The following SBF2 variants were observed in gnomAD, a reference collection of about 807,000 sequenced individuals.
SBF2 encodes SET binding factor 2.
In SBF2, 112 loss-of-function variants were observed where a neutral mutation model predicts 225.2. That is an observed-to-expected ratio of 0.50 (90% CI 0.43 to 0.58). SBF2 has a LOEUF of 0.58. Among genes scored for constraint, SBF2 ranks in the 20% least tolerant of loss-of-function variants. The pLI is 0.00. For missense variants in SBF2, 1,996 were observed against 2,206.2 expected (o/e 0.90, Z 1.91); for synonymous variants, 763 against 773.3 (o/e 0.99, Z 0.22).
At chr11:10,073,828 G>A (rs1044902175) in intron 2 of SBF2, among the ~76,000 whole-genome samples, 3 of 152,170 alleles carry the variant, frequency 2.0e-5, no homozygotes, top group Non-Finnish European at 4.4e-5. Context: ...GATAGTAAAT[G>A]AGCAATATAC....
chr11:10,210,952 T>G (rs10840375), intron 1 of SBF2, among the ~76,000 whole-genome samples: 114,848 of 146,422 alleles, frequency 0.78, 45,436 homozygotes, highest in East Asian at 0.97. Flanking sequence ...GGCGGAGGTT[T>G]CAGTGAGCTG....
chr11:9,882,794 T>A (rs1413593848), intron 17 of SBF2, among the ~76,000 whole-genome samples: 19 of 31,498 alleles, frequency 6.0e-4, no homozygotes, highest in Admixed American at 1.4e-3. Context: ...GGTGACAGAG[T>A]CAAAAAAAAA....
At chr11:10,114,337 A>G (rs953214288) in intron 2 of SBF2, among the ~76,000 whole-genome samples, 1 of 152,140 alleles carries the variant, frequency 6.6e-6, no homozygotes, top group Non-Finnish European at 1.5e-5. Flanking sequence ...TTAATTTTGG[A>G]AAATATATGC....
At chr11:10,090,658 A>G (rs908466992) in intron 2 of SBF2, among the ~76,000 whole-genome samples, 3 of 151,312 alleles carry the variant, frequency 2.0e-5, no homozygotes, top group Non-Finnish European at 4.4e-5. Context: ...CCAGCTACTC[A>G]GGAGGCTGAG....
At chr11:10,020,792 T>G (rs1024285646) in intron 6 of SBF2, among the ~76,000 whole-genome samples, 3 of 152,138 alleles carry the variant, frequency 2.0e-5, no homozygotes, top group Admixed American at 6.6e-5. Flanking sequence ...TAAAGCATTT[T>G]AAAACTGAAA....
At chr11:9,978,213 T>C (rs117709811) in intron 13 of SBF2, among the ~76,000 whole-genome samples, 1 of 152,340 alleles carries the variant, frequency 6.6e-6, no homozygotes, top group East Asian at 1.9e-4. Flanking sequence ...AAAGTAACTT[T>C]ACTATCATGT....
chr11:9,979,427 T>C (rs1946844932), intron 13 of SBF2, among the ~76,000 whole-genome samples: 2 of 152,178 alleles, frequency 1.3e-5, no homozygotes, highest in Admixed American at 1.3e-4. Flanking sequence ...ATTTCTCATA[T>C]GATCATGCTG....
intron 1 of SBF2, among the ~76,000 whole-genome samples, chr11:10,285,202 C>A (rs534178548): frequency 6.6e-6 from 1 of 151,828 alleles, no homozygotes; most frequent in Admixed American, 6.6e-5. Context: ...CCCAGCTACT[C>A]GGCAGGCTGA....
chr11:10,177,874 T>C (rs1181222292), intron 2 of SBF2, among the ~76,000 whole-genome samples: 5,324 of 136,962 alleles, frequency 0.039, 156 homozygotes, highest in East Asian at 0.13. Context: ...AAAAAGAGCC[T>C]GCATTGCCAA....
chr11:9,921,345 C>T (rs1863618025), intron 16 of SBF2, among the ~76,000 whole-genome samples: 1 of 152,166 alleles, frequency 6.6e-6, no homozygotes, highest in Admixed American at 6.5e-5. Flanking sequence ...GCTGGGATTA[C>T]GGGCTTCAGC....
At chr11:10,170,033 A>AT (rs953808267) in intron 2 of SBF2, among the ~76,000 whole-genome samples, 34 of 151,414 alleles carry the variant, frequency 2.2e-4, no homozygotes, top group Admixed American at 3.9e-4. Context: ...AGATTATTAG[A>AT]TTTTTTTTCA....
At chr11:9,849,510 A>G (rs140391835) in intron 22 of SBF2, among the ~76,000 whole-genome samples, 1 of 152,344 alleles carries the variant, frequency 6.6e-6, no homozygotes, top group East Asian at 1.9e-4. Flanking sequence ...AACAGAAGTT[A>G]TAGGAGTTTG....
At chr11:9,867,249 T>C (rs1036271519) in intron 17 of SBF2, among the ~76,000 whole-genome samples, 1 of 152,144 alleles carries the variant, frequency 6.6e-6, no homozygotes, top group Non-Finnish European at 1.5e-5. Context: ...CCCATAAATA[T>C]ATACACCTAC....
At chr11:9,824,561 CAA>C (rs112827651) in intron 28 of SBF2, among the ~76,000 whole-genome samples, 16 of 61,804 alleles carry the variant, frequency 2.6e-4, no homozygotes, top group East Asian at 4.3e-4. Context: ...GACTCCATCT[CAA>C]AAAAAAAAAA....
chr11:10,300,793 T>C lies in SBF2; in HGVS notation n.386+3699A>G, dbSNP rs1034323802. Among the ~76,000 whole-genome samples the C allele has an allele frequency of 3.7e-4, 56 of 151,848 alleles. 1 individual carries two copies. The Middle Eastern group carries it at 0.01, about 28-fold the overall frequency. ...TAACAAGCTTCTTTAGGTTTACTAC[T>C]TTCTCTTCTCTCTCTCTCTTTTTTT... On this transcript the variant is annotated intron_variant and non_coding_transcript_variant, in intron 1 of 5. Transcript: ENST00000685217.
chr11:9,934,359 C>A (rs150178331), intron 16 of SBF2, among the ~76,000 whole-genome samples: 1 of 152,104 alleles, frequency 6.6e-6, no homozygotes, highest in Non-Finnish European at 1.5e-5. Context: ...GGATTCACAA[C>A]CGAATTCTAC....
chr11:10,035,745 A>G (rs1477472718), intron 3 of SBF2, among the ~76,000 whole-genome samples: 2 of 152,252 alleles, frequency 1.3e-5, no homozygotes, highest in Non-Finnish European at 2.9e-5. Context: ...AATGGTGATC[A>G]TTAAAAAGTC....
chr11:9,830,290 G>A (rs998568384), intron 27 of SBF2, among the ~76,000 whole-genome samples: 2 of 152,108 alleles, frequency 1.3e-5, no homozygotes, highest in African/African-American at 4.8e-5. Context: ...TAGCATTATT[G>A]TATTTTATCA....
At chr11:10,101,042 G>T (rs991921540) in intron 2 of SBF2, among the ~76,000 whole-genome samples, 1 of 152,150 alleles carries the variant, frequency 6.6e-6, no homozygotes, top group Non-Finnish European at 1.5e-5. Flanking sequence ...TCTGCCTATC[G>T]TGTCTTTGTG....
Sources: allele counts gnomAD v4.1 joint callset (sites outside exome capture counted in the v4.1 genomes callset), GRCh38; gene constraint gnomAD v4.1.1; transcripts MANE v1.5; gene names NCBI Gene and HGNC (gene_info 2026-07-23, HGNC 2026-07-21).